The following RELN variants were observed in gnomAD, a reference collection of about 807,000 sequenced individuals.
RELN encodes the protein reelin.
Under a neutral mutation model 427.6 loss-of-function variants are expected in RELN, and 108 were observed. The ratio of observed to expected loss-of-function variants is 0.25; its 90% CI spans 0.22 to 0.30. The LOEUF is 0.30. Among genes scored for constraint, RELN ranks in the 10% least tolerant of loss-of-function variants. The probability of loss-of-function intolerance (pLI) is 1.00; values close to 1 mark genes in which losing one functional copy is unlikely to be tolerated. For synonymous variants in RELN, 1,524 were observed against 1,513.4 expected, an observed-to-expected ratio of 1.01 and a Z score of -0.16; for missense variants, 3,715 against 4,302.8, an observed-to-expected ratio of 0.86 and a Z score of 3.82.
chr7:103,935,371 T>A (rs552678974), intron 1 of RELN, among the ~76,000 whole-genome samples: 1 of 152,186 alleles, frequency 6.6e-6, no homozygotes, highest in Admixed American at 6.5e-5. Context: ...CTCATCTTAC[T>A]TGACTCCTCT....
chr7:103,532,263 G>C (rs139582747), intron 46 of RELN, among the ~76,000 whole-genome samples: 11 of 152,200 alleles, frequency 7.2e-5, no homozygotes, highest in African/African-American at 2.4e-4. Context: ...GACACACAAG[G>C]GGGGAACAAC....
chr7:103,707,358 A>G (rs1053750871), intron 8 of RELN, among the ~76,000 whole-genome samples: 20 of 152,176 alleles, frequency 1.3e-4, no homozygotes, highest in African/African-American at 4.6e-4. Context: ...AAGAAAAGTA[A>G]TATCCCAACA....
intron 28 of RELN, among the ~76,000 whole-genome samples, chr7:103,577,739 C>T (rs566643419): frequency 3.2e-4 from 48 of 152,136 alleles, no homozygotes; most frequent in Non-Finnish European, 4.7e-4. Flanking sequence ...GCCTCTATGC[C>T]GCTTCCAAAA....
intron 46 of RELN, among the ~76,000 whole-genome samples, chr7:103,529,132 C>G (rs1035082256): frequency 3.0e-4 from 15 of 49,454 alleles, no homozygotes; most frequent in Non-Finnish European, 5.3e-4. Flanking sequence ...GAGACTCCAT[C>G]TCAAAAAAAA....
intron 2 of RELN, among the ~76,000 whole-genome samples, chr7:103,834,648 G>A (rs539754909): frequency 1.3e-5 from 2 of 152,040 alleles, no homozygotes; most frequent in African/African-American, 4.8e-5. Context: ...GACCTAAACA[G>A]ATACCTCACC....
At chr7:103,528,416 G>T (rs1829869403) in intron 46 of RELN, among the ~76,000 whole-genome samples, 1 of 151,956 alleles carries the variant, frequency 6.6e-6, no homozygotes, top group African/African-American at 2.4e-5. Context: ...AATAAGTATA[G>T]GATTTCTTTT....
At chr7:103,947,359 T>C (rs377055768) in intron 1 of RELN, among the ~76,000 whole-genome samples, 1 of 152,206 alleles carries the variant, frequency 6.6e-6, no homozygotes, top group East Asian at 1.9e-4. Context: ...ATAGGGTCTT[T>C]ACAGAGGTAA....
intron 2 of RELN, among the ~76,000 whole-genome samples, chr7:103,886,466 C>A (rs1794728530): frequency 1.3e-5 from 2 of 152,088 alleles, no homozygotes; most frequent in African/African-American, 4.8e-5. Flanking sequence ...CAAAAGGTAA[C>A]CCCAATTAGC....
intron 27 of RELN, among the ~76,000 whole-genome samples, chr7:103,591,165 C>T (rs1262859830): frequency 6.6e-6 from 1 of 152,180 alleles, no homozygotes; most frequent in East Asian, 1.9e-4. Context: ...ATTTAATTAC[C>T]TGCCATCTTA....
At chr7:103,930,005 G>T (rs1289804762) in intron 1 of RELN, among the ~76,000 whole-genome samples, 5 of 152,216 alleles carry the variant, frequency 3.3e-5, no homozygotes, top group African/African-American at 9.6e-5. Flanking sequence ...TGTCTTATCT[G>T]CCCTAAGGCA....
In RELN at chr7:103,989,064, G is replaced by A. The variant is rs539104783; in HGVS notation, c.226+67C>T. On this transcript the variant is annotated intron_variant, in intron 1 of 64. Coordinates refer to ENST00000428762, the MANE Select transcript of RELN (RefSeq NM_005045.4). This position sits in a 1 kb window ranked among gnomAD's most constrained non-coding sequence, Gnocchi z 4.9. ...TCCAAGGCCCCTTGGAAGAAGGAAA[G>A]GGATGAGAAAGGTGCGCTGGCGGGC... is the stretch of plus-strand genomic sequence containing the variant. 1.2e-5 allele frequency: 16 copies of A among 1,391,070 alleles called. No individual in the cohort carries two copies. The highest frequency in any genetic ancestry group is 1.6e-5 in the Non-Finnish European group (16 of 978,510). 86.2% of individuals were successfully genotyped at this position (1,391,070 alleles called of 1,614,324 possible).
rs530754133 is a variant in RELN at position 103,878,714 on chromosome 7, C to T, written c.337+38361G>A. 1.5e-4 allele frequency among the ~76,000 whole-genome samples: 23 copies of T among 152,298 alleles called. No homozygotes were observed. In the East Asian group the frequency reaches 4.1e-3, roughly 27 times the overall value. ...CAGGATGGGGGGCAGGATATCAAAA[C>T]ACTAGAATTCAGTAAAGAAATAATG... On this transcript the variant is annotated intron_variant, in intron 2 of 64. Transcript: ENST00000428762.
At chr7:103,809,226 T>A (rs1368698206) in intron 3 of RELN, among the ~76,000 whole-genome samples, 3 of 152,126 alleles carry the variant, frequency 2.0e-5, no homozygotes, top group Non-Finnish European at 4.4e-5. Flanking sequence ...AGGGTAGAAC[T>A]AAAACATACT....
intron 46 of RELN, among the ~76,000 whole-genome samples, chr7:103,528,908 C>A (rs1190324384): frequency 1.3e-5 from 2 of 150,160 alleles, no homozygotes; most frequent in African/African-American, 4.9e-5. Flanking sequence ...GAGGCCGAGG[C>A]GGGTGGATCA....
intron 31 of RELN, among the ~76,000 whole-genome samples, chr7:103,567,236 C>A (rs953254310): frequency 6.6e-6 from 1 of 152,206 alleles, no homozygotes; most frequent in Admixed American, 6.5e-5. Flanking sequence ...ACTTGCACTT[C>A]GCACTTTGTC....
At chr7:103,752,604 G>T (rs945408623) in intron 5 of RELN, among the ~76,000 whole-genome samples, 50 of 151,542 alleles carry the variant, frequency 3.3e-4, no homozygotes, top group Non-Finnish European at 2.9e-4. Context: ...GGTAGAGATG[G>T]GGGTCTTGCT....
At chr7:103,833,402 G>T in intron 3 of RELN, 135 bp downstream of exon 3, 1 of 906,204 alleles carries the variant, frequency 1.1e-6, no homozygotes, top group Non-Finnish European at 1.8e-6. Context: ...ACCTTTTTTG[G>T]CAACAAAATT....
At chr7:103,946,177 ATAG>A (rs1264742558) in intron 1 of RELN, among the ~76,000 whole-genome samples, 3 of 152,308 alleles carry the variant, frequency 2.0e-5, no homozygotes, top group South Asian at 2.1e-4. Context: ...CTACTTAATG[ATAG>A]TAGAACACCT....
At position 103,677,348 on chromosome 7, in the gene RELN, C is replaced by T. The variant is rs372790886; in HGVS notation, c.1289+4768G>A. On this transcript the variant is annotated intron_variant, in intron 11 of 64. Transcript: ENST00000428762. ...ATGGGTGCAGCAAACCACCATGGCA[C>T]GTGTGTACCTATGTAACAAACCTGC... Among the ~76,000 whole-genome samples the T allele has an allele frequency of 1.6e-4, 23 of 145,408 alleles. No homozygotes were observed. The East Asian group carries it at 2.4e-3, about 15-fold the overall frequency.
Sources: gnomAD v4.1 joint callset for allele counts (sites outside exome capture counted in the v4.1 genomes callset) on GRCh38, gnomAD v4.1.1 for gene constraint, Gnocchi (gnomAD v3.1) non-coding constraint, MANE v1.5 for transcripts, NCBI Gene and HGNC (gene_info 2026-07-23, HGNC 2026-07-21) for gene names.